C12orf42: variants seen among roughly 807,000 people sequenced by gnomAD.
C12orf42 encodes the protein uncharacterized protein C12orf42.
In C12orf42, 25 loss-of-function variants were observed where a neutral mutation model predicts 21.6. That is an observed-to-expected ratio of 1.16 (90% confidence interval 0.84 to 1.62). The LOEUF (loss-of-function observed/expected upper bound fraction) is 1.62. Ranked by LOEUF, C12orf42 falls within the 40% of genes most tolerant of loss-of-function variation. The pLI, the probability that C12orf42 is intolerant of heterozygous loss-of-function variation, is 0.00. For missense variants in C12orf42, 483 were observed against 459.3 expected, an observed-to-expected ratio of 1.05 and a Z score of -0.47; for synonymous variants, 174 against 175.0, an observed-to-expected ratio of 0.99 and a Z score of 0.05.
the C12orf42 span, among the ~76,000 whole-genome samples, chr12:103,122,187 C>T: frequency 6.6e-6 from 1 of 152,178 alleles, no homozygotes; most frequent in African/African-American, 2.4e-5. Context: ...CTTTGATTTT[C>T]CATTTCCCCA....
In C12orf42 at chr12:103,489,506, A is replaced by G. The variant is rs143365900; in HGVS notation, c.-22+6396T>C. Among the ~76,000 whole-genome samples, 19 of 152,326 alleles carry G rather than the reference A, an allele frequency of 1.2e-4. No homozygotes were observed. The East Asian group carries it at 3.7e-3, about 29-fold the overall frequency. Reference sequence around the variant, plus strand: ...TCAGAGCTGTTAGACAGGGATGTTTAAGTCTGCAGACGTTACTGCTGCCTT... The same window carrying G: ...TCAGAGCTGTTAGACAGGGATGTTTGAGTCTGCAGACGTTACTGCTGCCTT... On this transcript the variant is annotated intron_variant, in intron 1 of 5. Coordinates refer to ENST00000548883, the MANE Select transcript of C12orf42 (RefSeq NM_198521.5).
intron 5 of C12orf42, among the ~76,000 whole-genome samples, chr12:103,276,156 A>G (rs1773439233): frequency 6.6e-6 from 1 of 152,232 alleles, no homozygotes; most frequent in African/African-American, 2.4e-5. Context: ...TATAGGGGGA[A>G]AAACTTTTAA....
chr12:103,447,954 C>T (rs1330866019), intron 2 of C12orf42, among the ~76,000 whole-genome samples: 1 of 151,920 alleles, frequency 6.6e-6, no homozygotes, highest in East Asian at 1.9e-4. Flanking sequence ...TATTATAATT[C>T]ATGTGGAACC....
intron 2 of C12orf42, among the ~76,000 whole-genome samples, chr12:103,449,805 GAA>G (rs560578164): frequency 7.4e-6 from 1 of 135,072 alleles, no homozygotes. Context: ...AGTTCCATTT[GAA>G]AAAAAAAAAA....
At chr12:103,156,491 C>T in the C12orf42 span, among the ~76,000 whole-genome samples, 1 of 152,062 alleles carries the variant, frequency 6.6e-6, no homozygotes, top group Admixed American at 6.6e-5. Context: ...AAATATTACA[C>T]TCCAATAAAA....
At chr12:103,126,544 C>T in the C12orf42 span, among the ~76,000 whole-genome samples, 1 of 151,862 alleles carries the variant, frequency 6.6e-6, no homozygotes, top group East Asian at 1.9e-4. Flanking sequence ...CTGTTATCAA[C>T]ATATTTTCTG....
the C12orf42 span, among the ~76,000 whole-genome samples, chr12:103,119,773 A>T: frequency 6.6e-6 from 1 of 152,350 alleles, no homozygotes; most frequent in Admixed American, 6.5e-5. Context: ...ATTCACATAT[A>T]TTTATGCACA....
At chr12:103,257,816 T>C (rs1257660797) in intron 10 of C12orf42, among the ~76,000 whole-genome samples, 1 of 151,830 alleles carries the variant, frequency 6.6e-6, no homozygotes. Context: ...AAGAAAACTT[T>C]CCTGATATTT....
At chr12:103,389,085 C>T (rs569371660) in intron 3 of C12orf42, among the ~76,000 whole-genome samples, 1 of 152,290 alleles carries the variant, frequency 6.6e-6, no homozygotes, top group Non-Finnish European at 1.5e-5. Flanking sequence ...GGGGAATGTT[C>T]CATCATCCCC....
At chr12:103,271,461 A>G (rs1308697177) in intron 5 of C12orf42, among the ~76,000 whole-genome samples, 1 of 152,162 alleles carries the variant, frequency 6.6e-6, no homozygotes. Context: ...AGTGAGACCT[A>G]TCAGCTGTGA....
At chr12:103,134,890 A>AC in the C12orf42 span, among the ~76,000 whole-genome samples, 1 of 152,114 alleles carries the variant, frequency 6.6e-6, no homozygotes, top group Non-Finnish European at 1.5e-5. Context: ...TTGTGAGGAC[A>AC]CCCCCATCAT....
intron 4 of C12orf42, among the ~76,000 whole-genome samples, chr12:103,291,087 T>C (rs1593299422): frequency 6.6e-6 from 1 of 151,910 alleles, no homozygotes; most frequent in African/African-American, 2.4e-5. Flanking sequence ...TGGTTAGAGG[T>C]GGTTGGGTAT....
the C12orf42 span, among the ~76,000 whole-genome samples, chr12:103,230,482 TATCAGG>T: frequency 6.6e-6 from 1 of 152,148 alleles, no homozygotes; most frequent in Non-Finnish European, 1.5e-5. Context: ...TAGAAGAAAG[TATCAGG>T]ATCCACTCAC....
intron 3 of C12orf42, among the ~76,000 whole-genome samples, chr12:103,379,481 A>G (rs2045985415): frequency 1.3e-5 from 2 of 152,222 alleles, no homozygotes; most frequent in South Asian, 2.1e-4. Flanking sequence ...GAGGAAATGT[A>G]AAATAGATCA....
At chr12:103,448,340 C>A (rs186452794) in intron 2 of C12orf42, among the ~76,000 whole-genome samples, 1 of 152,194 alleles carries the variant, frequency 6.6e-6, no homozygotes, top group Admixed American at 6.6e-5. Context: ...CATAAAGATT[C>A]TAGAAGACAA....
At chr12:103,462,572 A>T (rs1483270803) in intron 2 of C12orf42, among the ~76,000 whole-genome samples, 7 of 152,194 alleles carry the variant, frequency 4.6e-5, no homozygotes, top group Admixed American at 4.6e-4. Context: ...CACACAAAAT[A>T]TATGTGTGCA....
chr12:103,183,115 C>T, the C12orf42 span, among the ~76,000 whole-genome samples: 1 of 152,326 alleles, frequency 6.6e-6, no homozygotes, highest in African/African-American at 2.4e-5. Flanking sequence ...GGAATCTCTT[C>T]TCTGTCGCCA....
At chr12:103,173,008 C>T in the C12orf42 span, among the ~76,000 whole-genome samples, 4 of 152,224 alleles carry the variant, frequency 2.6e-5, no homozygotes, top group South Asian at 6.2e-4. Flanking sequence ...GTCCACTTCT[C>T]TCCAGGAAAT....
At chr12:103,289,892 G>C (rs2036688517) in intron 4 of C12orf42, among the ~76,000 whole-genome samples, 1 of 152,110 alleles carries the variant, frequency 6.6e-6, no homozygotes, top group Non-Finnish European at 1.5e-5. Context: ...ATGCCTTTTG[G>C]TAACTTCTTT....
Sources: gnomAD v4.1 joint callset for allele counts (sites outside exome capture counted in the v4.1 genomes callset) on GRCh38, gnomAD v4.1.1 for gene constraint, MANE v1.5 for transcripts, NCBI Gene and HGNC (gene_info 2026-07-23, HGNC 2026-07-21) for gene names.